CAPN14: variants seen among roughly 807,000 people sequenced by gnomAD.
CAPN14 encodes the protein calpain-14.
A neutral mutation model predicts 101.3 loss-of-function variants in CAPN14; 94 were observed. The ratio of observed to expected loss-of-function variants is 0.93; its 90% confidence interval spans 0.79 to 1.10. The LOEUF is 1.10. Among genes scored for constraint, CAPN14 ranks in the 50% least tolerant of loss-of-function variants. The pLI is 0.00. For missense variants in CAPN14, 837 were observed against 828.4 expected (o/e 1.01, Z -0.13); for synonymous variants, 338 against 317.9 (o/e 1.06, Z -0.67).
At chr2:31,177,171 G>C in intron 19 of CAPN14, 29 bp from the exon 20 acceptor site, 3 of 1,505,308 alleles carry the variant, frequency 2.0e-6, no homozygotes, top group Non-Finnish European at 2.7e-6. Flanking sequence ...CCTGCTGTGG[G>C]TATTGGGGGC....
At position 31,180,850 on chromosome 2, in the gene CAPN14, G is replaced by A. The variant is rs574506286; in HGVS notation, c.1710+86C>T. On this transcript the variant is annotated intron_variant, in intron 17 of 21. Transcript: ENST00000403897. ...GGATCCCACAATTAGCAAGGATTGG[G>A]GTTGGGATTCAAATATACTCTGCCT... is the stretch of plus-strand genomic sequence containing the variant. 2.3e-5 allele frequency: 26 copies of A among 1,131,490 alleles called. No homozygotes were observed. In the African/African-American group the frequency reaches 3.7e-4, roughly 16 times the overall value. The allele number at this position is 1,131,490 out of a possible 1,614,324, so 70.1% of individuals were successfully genotyped here. A position where few individuals can be genotyped will look rare whatever the true frequency, so the allele number is the denominator to read the frequency against.
At chr2:31,213,369 A>C (rs199749688) in intron 1 of CAPN14, among the ~76,000 whole-genome samples, 1 of 152,252 alleles carries the variant, frequency 6.6e-6, no homozygotes, top group African/African-American at 2.4e-5. Context: ...TACTGAAACT[A>C]CAGCCACACT....
rs1020628660 is a variant in CAPN14, at chr2:31,188,218, C to T, written c.1530+100G>A. 2.4e-5 allele frequency: 25 copies of T among 1,026,966 alleles called. No homozygotes were observed. The East Asian group carries it at 2.8e-4, about 12-fold the overall frequency. The allele number at this position is 1,026,966 out of a possible 1,614,324, so 63.6% of individuals were successfully genotyped here. ...CCATAGAACAGGGTCTGTAAGGATC[C>T]GCATATCTCCTCCCCTGACTCCTTA... On this transcript the variant is annotated intron_variant, in intron 14 of 21. Transcript: ENST00000403897.
At chr2:31,194,346 T>C (rs1243582472) in intron 9 of CAPN14, 63 bp downstream of exon 9, 2 of 1,271,142 alleles carry the variant, frequency 1.6e-6, no homozygotes, top group Non-Finnish European at 2.2e-6. Flanking sequence ...ATCCAATAAA[T>C]GTCTGCTGGA....
At position 31,193,266 on chromosome 2, in the gene CAPN14, A is replaced by G; in HGVS notation, c.979T>C (p.Phe327Leu). 1 of 1,551,798 alleles carries G rather than the reference A, an allele frequency of 6.4e-7. No homozygotes were observed. The highest frequency in any genetic ancestry group is 8.7e-7 in the Non-Finnish European group (1 of 1,147,038). ...WMTLQDFKTH[F>L]VLLVICKLTP... Reference sequence around the variant, plus strand: ...AGTTTACAGATAACCAGGAGCACGAAATGTGTTTTAAAGTCCTGCAGCGTC... The same window carrying G: ...AGTTTACAGATAACCAGGAGCACGAGATGTGTTTTAAAGTCCTGCAGCGTC... Residue 327 changes from phenylalanine to leucine, a missense_variant, in exon 10 of 22, where the codon TTC (phenylalanine) becomes CTC (leucine). Physicochemically the swap from Phe to Leu is conservative, Grantham distance 22. Coordinates refer to ENST00000403897, the MANE Select transcript of CAPN14 (RefSeq NM_001145122.2).
chr2:31,220,635 C>T (rs1454860104), upstream of CAPN14, among the ~76,000 whole-genome samples: 4 of 152,138 alleles, frequency 2.6e-5, no homozygotes, highest in African/African-American at 4.8e-5. Context: ...TGACCAACAG[C>T]CTGACCAACA....
intron 7 of CAPN14, 64 bp from the exon 8 acceptor site, chr2:31,197,398 G>T: frequency 8.7e-7 from 1 of 1,146,532 alleles, no homozygotes; most frequent in Non-Finnish European, 1.3e-6. Context: ...AGATCTGAGT[G>T]AGACTCGGGC....
intron 1 of CAPN14, among the ~76,000 whole-genome samples, chr2:31,231,908 T>A (rs772596164): frequency 6.6e-6 from 1 of 152,214 alleles, no homozygotes; most frequent in Non-Finnish European, 1.5e-5. Context: ...TTGTTAAATA[T>A]CTTTAATATT....
chr2:31,230,875 TG>T lies in CAPN14; in HGVS notation c.-177+2915del, dbSNP rs760230478. On this transcript the variant is annotated intron_variant and NMD_transcript_variant, in intron 1 of 21. Transcript: ENST00000398824. This position sits in a 1 kb window ranked among gnomAD's most constrained non-coding sequence, Gnocchi z 4.3. ...TTTTCAGTTTGTGCTTCTGACGTCTTGTTTAAAGAACTCTTCCTGACTTTGT... is the reference window on the plus strand; with the variant it reads ...TTTTCAGTTTGTGCTTCTGACGTCTTTTTAAAGAACTCTTCCTGACTTTGT... 2.0e-5 allele frequency among the ~76,000 whole-genome samples: 3 copies of T among 152,242 alleles called. No homozygotes were observed. The highest frequency in any genetic ancestry group is 4.4e-5 in the Non-Finnish European group (3 of 68,036).
At chr2:31,179,500 T>C (rs1680487094) in intron 17 of CAPN14, among the ~76,000 whole-genome samples, 1 of 152,226 alleles carries the variant, frequency 6.6e-6, no homozygotes, top group Admixed American at 6.5e-5. Context: ...TTCCAAGCCT[T>C]TGCTATTGTG....
chr2:31,182,140 C>T (rs1448735946), intron 16 of CAPN14, among the ~76,000 whole-genome samples: 3 of 152,062 alleles, frequency 2.0e-5, no homozygotes, highest in Non-Finnish European at 4.4e-5. Flanking sequence ...AACAACCTTT[C>T]ATGCTAAAAA....
At chr2:31,220,123 A>AT (rs1350080972), upstream of CAPN14, among the ~76,000 whole-genome samples, 1 of 152,138 alleles carries the variant, frequency 6.6e-6, no homozygotes, top group Non-Finnish European at 1.5e-5. Context: ...TAATATTTGC[A>AT]TTTTTTAAAA....
chr2:31,201,251 G>C (rs78684999), intron 5 of CAPN14, among the ~76,000 whole-genome samples: 4,826 of 151,970 alleles, frequency 0.032, 84 homozygotes, highest in Non-Finnish European at 0.038. Context: ...GCATGTGTAT[G>C]TGCATGCGTG....
At chr2:31,208,445 G>A (rs1274973870) in intron 1 of CAPN14, among the ~76,000 whole-genome samples, 1 of 152,104 alleles carries the variant, frequency 6.6e-6, no homozygotes, top group African/African-American at 2.4e-5. Flanking sequence ...GGTCATACCT[G>A]GATTCCTCTT....
chr2:31,199,333 T>C (rs2148687951), intron 7 of CAPN14, 137 bp downstream of exon 7: 3 of 752,218 alleles, frequency 4.0e-6, no homozygotes, highest in East Asian at 5.4e-5. Flanking sequence ...AGGAAATAGA[T>C]GCCGAGGCAC....
intron 1 of CAPN14, among the ~76,000 whole-genome samples, chr2:31,208,459 G>T (rs1332421167): frequency 6.6e-6 from 1 of 152,154 alleles, no homozygotes; most frequent in Admixed American, 6.5e-5. Context: ...TCCTCTTCAA[G>T]CCTGCAAATA....
Position 31,191,386 on chromosome 2 carries a change from G to A in CAPN14, c.1287+13C>T. 6.5e-7 allele frequency: 1 copy of A among 1,539,928 alleles called. No individual in the cohort carries two copies. The highest frequency in any genetic ancestry group is 8.7e-7 in the Non-Finnish European group (1 of 1,143,580). On this transcript the variant is annotated intron_variant, in intron 12 of 21. Transcript: ENST00000403897. ...CCCCAAACTAGGGCCACCCGGTCAA[G>A]TGCAGAACTCACCTTGTTCATCTAA... is the stretch of plus-strand genomic sequence containing the variant.
At chr2:31,196,688 C>T (rs1456868590) in intron 8 of CAPN14, among the ~76,000 whole-genome samples, 1 of 152,142 alleles carries the variant, frequency 6.6e-6, no homozygotes, top group Non-Finnish European at 1.5e-5. Context: ...CTGCAAAACC[C>T]GCATTTCTTT....
chr2:31,211,008 T>G (rs1682371037), intron 1 of CAPN14, among the ~76,000 whole-genome samples: 1 of 152,160 alleles, frequency 6.6e-6, no homozygotes, highest in South Asian at 2.1e-4. Flanking sequence ...TAGGATAAAT[T>G]TGGGCTAGAA....
Sources: allele counts gnomAD v4.1 joint callset (sites outside exome capture counted in the v4.1 genomes callset), GRCh38; gene constraint gnomAD v4.1.1; non-coding constraint Gnocchi (gnomAD v3.1); transcripts MANE v1.5; gene names NCBI Gene and HGNC (gene_info 2026-07-23, HGNC 2026-07-21).